The following NXPE2 variants were observed in gnomAD, a reference collection of about 807,000 sequenced individuals.
NXPE2 encodes the protein NXPE family member 2.
A neutral mutation model predicts 34.4 loss-of-function variants in NXPE2; 34 were observed. The observed-to-expected ratio is 0.99, with a 90% CI of 0.75 to 1.31. The LOEUF is 1.31. Among genes scored for constraint, NXPE2 ranks in the 40% most tolerant of loss-of-function variants. The pLI is 0.00. For synonymous variants in NXPE2, 235 were observed against 231.3 expected (o/e 1.02, Z -0.15); for missense variants, 649 against 672.5 (o/e 0.97, Z 0.39).
chr11:114,573,428 G>A, the NXPE2 span, among the ~76,000 whole-genome samples: 2 of 151,786 alleles, frequency 1.3e-5, no homozygotes, highest in African/African-American at 2.4e-5. Context: ...GAATGGGTAA[G>A]AATTCACCAG....
At chr11:114,778,153 G>A in the NXPE2 span, among the ~76,000 whole-genome samples, 1 of 152,180 alleles carries the variant, frequency 6.6e-6, no homozygotes, top group African/African-American at 2.4e-5. Context: ...CAATGTTTAA[G>A]TCAGGACTCA....
chr11:114,758,077 G>A, the NXPE2 span, among the ~76,000 whole-genome samples: 1,740 of 152,326 alleles, frequency 0.011, 15 homozygotes, highest in Non-Finnish European at 0.017. Context: ...CTCCACAGGT[G>A]TAGAAAGAGT....
At chr11:114,532,053 C>G in the NXPE2 span, among the ~76,000 whole-genome samples, 4 of 152,180 alleles carry the variant, frequency 2.6e-5, no homozygotes, top group African/African-American at 9.7e-5. Context: ...AGAATGATTA[C>G]AGACCAGTAG....
the NXPE2 span, among the ~76,000 whole-genome samples, chr11:114,733,461 A>G: frequency 6.6e-6 from 1 of 152,074 alleles, no homozygotes; most frequent in Non-Finnish European, 1.5e-5. Flanking sequence ...TTTTTAGTGG[A>G]TGTGGTTTTC....
chr11:114,629,960 A>T, the NXPE2 span, among the ~76,000 whole-genome samples: 1 of 150,572 alleles, frequency 6.6e-6, no homozygotes, highest in Non-Finnish European at 1.5e-5. Flanking sequence ...AATCCAACTT[A>T]CAAGGGACGT....
chr11:114,530,022 G>C, the NXPE2 span: 1 of 718,428 alleles, frequency 1.4e-6, no homozygotes, highest in East Asian at 2.6e-5. Context: ...CTTTGGCCTA[G>C]AGTGGTGAGT....
chr11:114,766,390 C>A, the NXPE2 span, among the ~76,000 whole-genome samples: 1 of 152,260 alleles, frequency 6.6e-6, no homozygotes, highest in Admixed American at 6.5e-5. Context: ...AATTTGGCTT[C>A]ATCCAACTAC....
chr11:114,604,136 A>G, the NXPE2 span, among the ~76,000 whole-genome samples: 2,533 of 152,158 alleles, frequency 0.017, 78 homozygotes, highest in African/African-American at 0.056. Flanking sequence ...ATAGGTAACT[A>G]CTGATACCTG....
At chr11:114,480,216 G>A in the NXPE2 span, among the ~76,000 whole-genome samples, 1 of 133,484 alleles carries the variant, frequency 7.5e-6, no homozygotes, top group Admixed American at 7.6e-5. Context: ...AGACCCAGAA[G>A]GAAGCCAGAG....
At chr11:114,794,851 G>GCCCCCCCCCC in the NXPE2 span, among the ~76,000 whole-genome samples, 1 of 125,394 alleles carries the variant, frequency 8.0e-6, no homozygotes, top group African/African-American at 2.9e-5. Context: ...TTGCACCCCC[G>GCCCCCCCCCC]CCCCCCCCAA....
At chr11:114,546,847 C>T in the NXPE2 span, among the ~76,000 whole-genome samples, 1 of 152,106 alleles carries the variant, frequency 6.6e-6, no homozygotes, top group East Asian at 1.9e-4. Flanking sequence ...AACACAGGAA[C>T]CAATGGAAAG....
At chr11:114,527,255 C>A in the NXPE2 span, 1 of 152,098 alleles carries the variant, frequency 6.6e-6, no homozygotes, top group African/African-American at 2.4e-5. Flanking sequence ...AATAAATAAA[C>A]ATTTGTGGAA....
chr11:114,721,368 C>G, the NXPE2 span, among the ~76,000 whole-genome samples: 1 of 151,804 alleles, frequency 6.6e-6, no homozygotes, highest in South Asian at 2.1e-4. Flanking sequence ...AGTGATTGAG[C>G]AAATCACAAA....
chr11:114,481,136 C>T, the NXPE2 span, among the ~76,000 whole-genome samples: 1 of 152,158 alleles, frequency 6.6e-6, no homozygotes, highest in African/African-American at 2.4e-5. Context: ...CAGTTCCTAG[C>T]TTAGTGTGGG....
chr11:114,599,852 G>C, the NXPE2 span, among the ~76,000 whole-genome samples: 2 of 151,952 alleles, frequency 1.3e-5, no homozygotes, highest in Non-Finnish European at 2.9e-5. Context: ...TCCAACACTG[G>C]GGATTAGAAT....
At chr11:114,634,320 T>G in the NXPE2 span, among the ~76,000 whole-genome samples, 1 of 152,120 alleles carries the variant, frequency 6.6e-6, no homozygotes, top group South Asian at 2.1e-4. Flanking sequence ...GTTTGTTATT[T>G]TCTTGTAAAT....
chr11:114,773,443 G>T, the NXPE2 span, among the ~76,000 whole-genome samples: 1 of 151,834 alleles, frequency 6.6e-6, no homozygotes, highest in African/African-American at 2.4e-5. Flanking sequence ...TCTAAAGAAT[G>T]ACCTTCTTTC....
chr11:114,729,757 G>A, the NXPE2 span, among the ~76,000 whole-genome samples: 3 of 151,930 alleles, frequency 2.0e-5, no homozygotes, highest in Non-Finnish European at 4.4e-5. Flanking sequence ...GGTTTTATAT[G>A]TATTTGCTTG....
the NXPE2 span, chr11:114,513,118 G>T: frequency 5.5e-6 from 3 of 546,250 alleles, no homozygotes; most frequent in African/African-American, 1.9e-5. Context: ...CTGCCATCAG[G>T]GCTGGAGAGG....
Sources: allele counts gnomAD v4.1 joint callset (sites outside exome capture counted in the v4.1 genomes callset), GRCh38; gene constraint gnomAD v4.1.1; transcripts MANE v1.5; gene names NCBI Gene and HGNC (gene_info 2026-07-23, HGNC 2026-07-21).